The following LGMN variants were observed in gnomAD, a reference collection of about 807,000 sequenced individuals.
The protein encoded by LGMN is legumain, also known as asparaginyl endopeptidase.
Under a neutral mutation model 56.8 loss-of-function variants are expected in LGMN, and 36 were observed. The observed-to-expected ratio is 0.63, with a 90% confidence interval of 0.49 to 0.84. The LOEUF is 0.84. Ranked by LOEUF, LGMN falls within the 40% of genes least tolerant of loss-of-function variation. The pLI, the probability that LGMN is intolerant of heterozygous loss-of-function variation, is 0.00. For missense variants in LGMN, 446 were observed against 556.1 expected (o/e 0.80, Z 1.99); for synonymous variants, 199 against 210.1 (o/e 0.95, Z 0.46).
At chr14:92,729,187 C>T (rs933784829) in intron 2 of LGMN, among the ~76,000 whole-genome samples, 14 of 146,002 alleles carry the variant, frequency 9.6e-5, no homozygotes, top group African/African-American at 3.1e-4. Flanking sequence ...CAGGTGCCTG[C>T]GCACCTCTGC....
In LGMN at chr14:92,704,697, G is replaced by T; in HGVS notation, c.1202C>A (p.Ala401Glu). ...FNWHSPTYEY[A>E]LRHLYVLVNL... ...GACCAGCACGTACAAATGTCTCAAC[G>T]CATACTCGTACTGGGAGAAAACAAA... Residue 401 changes from alanine to glutamate, a missense_variant, in exon 13 of 14, where the codon GCG becomes GAG. By Grantham distance (107) the Ala-to-Glu change is moderately radical. Coordinates refer to ENST00000334869, the MANE Select transcript of LGMN (RefSeq NM_005606.7). 6.2e-7 allele frequency: 1 copy of T among 1,612,632 alleles called. No individual in the cohort carries two copies. The highest frequency in any genetic ancestry group is 8.5e-7 in the Non-Finnish European group (1 of 1,178,640).
intron 7 of LGMN, among the ~76,000 whole-genome samples, chr14:92,713,107 C>T (rs189068186): frequency 1.4e-4 from 21 of 152,302 alleles, no homozygotes; most frequent in African/African-American, 2.9e-4. Context: ...GCAGAGAAAA[C>T]GGAGCCATGG....
chr14:92,716,362 G>A (rs1029746274), intron 4 of LGMN, 141 bp from the exon 5 acceptor site: 15 of 681,858 alleles, frequency 2.2e-5, no homozygotes, highest in African/African-American at 1.4e-4. Flanking sequence ...GTCGGGTGCC[G>A]TGGCTCACGC....
At chr14:92,726,387 G>C (rs896119740) in intron 2 of LGMN, among the ~76,000 whole-genome samples, 1 of 152,068 alleles carries the variant, frequency 6.6e-6, no homozygotes, top group South Asian at 2.1e-4. Flanking sequence ...CGCCAGCCTC[G>C]ATTTTTGCCC....
intron 2 of LGMN, among the ~76,000 whole-genome samples, chr14:92,726,549 C>T (rs1400795563): frequency 6.6e-6 from 1 of 152,140 alleles, no homozygotes; most frequent in Non-Finnish European, 1.5e-5. Flanking sequence ...TGAGGAGCTC[C>T]CTGTTCTTGT....
At chr14:92,705,988 T>A (rs567692554) in intron 12 of LGMN, among the ~76,000 whole-genome samples, 1 of 152,284 alleles carries the variant, frequency 6.6e-6, no homozygotes, top group East Asian at 1.9e-4. Flanking sequence ...TAGGCCAGTT[T>A]GCCAACCTTT....
Position 92,704,254 on chromosome 14 carries a change from A to G in LGMN, c.*65T>C. 6.2e-7 allele frequency: 1 copy of G among 1,611,558 alleles called. No individual in the cohort carries two copies. The highest frequency in any genetic ancestry group is 8.5e-7 in the Non-Finnish European group (1 of 1,177,720). On this transcript the variant is annotated 3_prime_UTR_variant, in exon 14 of 14. Coordinates refer to ENST00000334869, the MANE Select transcript of LGMN (RefSeq NM_005606.7). ...CGGAGACTTCTCACTCCACCTCTCC[A>G]GTCTCTGATCAGCACACAGTCGGTG...
At chr14:92,709,435 T>A (rs3783934) in intron 11 of LGMN, among the ~76,000 whole-genome samples, 2 of 152,092 alleles carry the variant, frequency 1.3e-5, no homozygotes, top group African/African-American at 4.8e-5. Context: ...ACAGGGGAGA[T>A]AGGCCCCCAT....
intron 1 of LGMN, among the ~76,000 whole-genome samples, chr14:92,742,158 C>A (rs369665481): frequency 1.3e-5 from 2 of 151,672 alleles, no homozygotes; most frequent in South Asian, 2.1e-4. Context: ...TTCCACTAAC[C>A]CCCCCTCACC....
At chr14:92,722,154 G>T (rs945674183) in intron 2 of LGMN, among the ~76,000 whole-genome samples, 3 of 151,938 alleles carry the variant, frequency 2.0e-5, no homozygotes, top group Non-Finnish European at 4.4e-5. Context: ...CCATCAGACA[G>T]GGGACAAGGT....
intron 2 of LGMN, among the ~76,000 whole-genome samples, chr14:92,725,410 G>A (rs1029267988): frequency 6.6e-6 from 1 of 151,854 alleles, no homozygotes; most frequent in Non-Finnish European, 1.5e-5. Context: ...AACTAGCTGG[G>A]CATGGTGGCA....
chr14:92,743,490 G>C (rs866095739), intron 1 of LGMN, among the ~76,000 whole-genome samples: 74 of 151,024 alleles, frequency 4.9e-4, no homozygotes, highest in African/African-American at 1.6e-3. Flanking sequence ...GCAACAAAGC[G>C]AGACTCCGTC....
chr14:92,735,863 C>G (rs1891280336), intron 1 of LGMN, among the ~76,000 whole-genome samples: 1 of 151,336 alleles, frequency 6.6e-6, no homozygotes, highest in Non-Finnish European at 1.5e-5. Flanking sequence ...CAGTGGAGTG[C>G]TGGGGACCCC....
In LGMN at chr14:92,714,469, G is replaced by A. The variant is rs756675730; in HGVS notation, c.405-18C>T. On this transcript the variant is annotated intron_variant, in intron 5 of 13. Coordinates refer to ENST00000334869, the MANE Select transcript of LGMN (RefSeq NM_005606.7). This position sits in a 1 kb window ranked among gnomAD's most constrained non-coding sequence, Gnocchi z 5.1. ...GGGGGCCACTGCCAAGAAGGAATCG[G>A]GGGTCAATCATTTCCTTTTTCTGTT... 1 of 1,540,722 alleles carries A rather than the reference G, an allele frequency of 6.5e-7. No homozygotes were observed. The highest frequency in any genetic ancestry group is 1.1e-5 in the South Asian group (1 of 87,578).
Position 92,707,608 on chromosome 14 carries a change from A to G in LGMN, c.1021-955T>C, listed in dbSNP as rs535173734. ...AAAGCAATGCCACTCTTCTCACCCA[A>G]TGCTTTTTGTTTTGGAAAATGGTTA... On this transcript the variant is annotated intron_variant, in intron 11 of 13. Transcript: ENST00000334869. 2.0e-4 allele frequency among the ~76,000 whole-genome samples: 30 copies of G among 152,334 alleles called. No homozygotes were observed. The South Asian group carries it at 2.7e-3, about 14-fold the overall frequency.
chr14:92,718,836 C>T lies in LGMN; in HGVS notation c.147G>A (p.Ala49=), dbSNP rs766762393. 143 of 1,611,934 alleles carry T rather than the reference C, an allele frequency of 8.9e-5. No homozygotes were observed. The Admixed American group carries it at 1.9e-3, about 22-fold the overall frequency. ...GGTGAATGATCTGGTAGGCATGGCA[C>T]GCGTCTGCCTGGGAGAAATGATTTG... ...GWYNYRHQAD[A]CHAYQIIHRN... Residue 49 remains alanine (A), a synonymous_variant, in exon 3 of 14, where the codon GCG becomes GCA. Transcript: ENST00000334869.
At chr14:92,736,583 G>A (rs558684366) in intron 1 of LGMN, among the ~76,000 whole-genome samples, 52 of 152,280 alleles carry the variant, frequency 3.4e-4, no homozygotes, top group Non-Finnish European at 5.7e-4. Flanking sequence ...GTGACAGAGC[G>A]AGACCCTGTC....
chr14:92,723,045 C>A (rs1890559638), intron 2 of LGMN, among the ~76,000 whole-genome samples: 2 of 151,168 alleles, frequency 1.3e-5, no homozygotes, highest in African/African-American at 4.9e-5. Flanking sequence ...CCCAACAAGT[C>A]TAAATTTTTT....
intron 2 of LGMN, among the ~76,000 whole-genome samples, chr14:92,730,940 A>C (rs947009117): frequency 7.6e-5 from 8 of 105,958 alleles, no homozygotes; most frequent in African/African-American, 1.2e-4. Context: ...AACCAAAAAA[A>C]AAAAAAAAAG....
Sources: gnomAD v4.1 joint callset for allele counts (sites outside exome capture counted in the v4.1 genomes callset) on GRCh38, gnomAD v4.1.1 for gene constraint, Gnocchi (gnomAD v3.1) non-coding constraint, MANE v1.5 for transcripts, NCBI Gene and HGNC (gene_info 2026-07-23, HGNC 2026-07-21) for gene names.